Variants in TNIK observed in about 807,000 individuals in gnomAD.
TNIK encodes TRAF2 and NCK-interacting protein kinase.
TNIK carries 49 observed loss-of-function variants against 191.3 expected under a neutral mutation model. That is an observed-to-expected ratio of 0.26 (90% CI 0.20 to 0.32). The LOEUF (loss-of-function observed/expected upper bound fraction) is 0.32, where lower values mean the gene tolerates loss of function less well. Ranked by LOEUF, TNIK falls within the 10% of genes least tolerant of loss-of-function variation. The pLI is 1.00. For missense variants in TNIK, 1,155 were observed against 1,702.3 expected, an observed-to-expected ratio of 0.68 and a Z score of 5.66; for synonymous variants, 594 against 600.9, an observed-to-expected ratio of 0.99 and a Z score of 0.17.
intron 3 of TNIK, among the ~76,000 whole-genome samples, chr3:171,219,442 G>A (rs1427508955): frequency 6.6e-6 from 1 of 150,694 alleles, no homozygotes; most frequent in East Asian, 1.9e-4. Flanking sequence ...CCAGTGCCAG[G>A]TTCAACCTTA....
chr3:171,386,768 A>T (rs1460965139), intron 1 of TNIK, among the ~76,000 whole-genome samples: 1 of 152,202 alleles, frequency 6.6e-6, no homozygotes, highest in Non-Finnish European at 1.5e-5. Context: ...AGTATCATTC[A>T]CATCCAGTCA....
At chr3:171,399,515 G>A (rs1368143764) in intron 1 of TNIK, among the ~76,000 whole-genome samples, 1 of 152,100 alleles carries the variant, frequency 6.6e-6, no homozygotes, top group African/African-American at 2.4e-5. Context: ...ATTTATAAGA[G>A]TACAAATAGG....
chr3:171,419,943 A>T lies in TNIK; in HGVS notation c.57+40064T>A, dbSNP rs577674704. On this transcript the variant is annotated intron_variant, in intron 1 of 32. Coordinates refer to ENST00000436636, the MANE Select transcript of TNIK (RefSeq NM_015028.4). Reference sequence around the variant, plus strand: ...TCCAACAACAGAGTCAGTGCCACTTACCTATAAGCTTGCTGTTCTATGAAC... The same window carrying T: ...TCCAACAACAGAGTCAGTGCCACTTTCCTATAAGCTTGCTGTTCTATGAAC... Among the ~76,000 whole-genome samples, 24 of 152,280 alleles carry T rather than the reference A, an allele frequency of 1.6e-4. No homozygotes were observed. The East Asian group carries it at 2.9e-3, about 18-fold the overall frequency.
intron 1 of TNIK, among the ~76,000 whole-genome samples, chr3:171,371,716 A>G (rs1384372436): frequency 1.3e-5 from 2 of 152,154 alleles, no homozygotes; most frequent in Admixed American, 1.3e-4. Context: ...TGGTTAAACT[A>G]CTAGGCCATT....
At position 171,087,488 on chromosome 3, in the gene TNIK, GCTT is replaced by G. The variant is rs747795051; in HGVS notation, c.2737_2739del (p.Lys913del). On this transcript the variant is annotated inframe_deletion, in exon 24 of 33. Transcript: ENST00000436636. ...CCATTGCTGTCACTGTGGCCAGATC[GCTT>G]CTTCTCTCCAGACGTCTGAGGGAGC... 7.4e-6 allele frequency: 12 copies of G among 1,613,652 alleles called. No individual in the cohort carries two copies. In the Admixed American group the frequency reaches 8.3e-5, roughly 11 times the overall value.
chr3:171,312,142 G>GGCTAGACT (rs1754104896), intron 2 of TNIK, among the ~76,000 whole-genome samples: 6 of 90,202 alleles, frequency 6.7e-5, no homozygotes, highest in Non-Finnish European at 1.1e-4. Context: ...AAAAAAAAAA[G>GGCTAGACT]GGCTAGACTG....
intron 23 of TNIK, among the ~76,000 whole-genome samples, chr3:171,090,203 C>T (rs897703075): frequency 1.3e-5 from 2 of 152,082 alleles, no homozygotes; most frequent in African/African-American, 4.8e-5. Flanking sequence ...TGGAAGAAAG[C>T]AGAGATTAGG....
chr3:171,278,416 G>T (rs547059971), intron 2 of TNIK, among the ~76,000 whole-genome samples: 1 of 152,088 alleles, frequency 6.6e-6, no homozygotes, highest in Non-Finnish European at 1.5e-5. Context: ...TAAGTATTCA[G>T]CATTCTAGGC....
chr3:171,135,945 A>G (rs944050933), intron 15 of TNIK, among the ~76,000 whole-genome samples: 3 of 152,244 alleles, frequency 2.0e-5, no homozygotes, highest in African/African-American at 7.2e-5. Flanking sequence ...AATAGAGAGG[A>G]CAGACCAGTA....
chr3:171,317,443 T>A (rs577890102), intron 2 of TNIK, among the ~76,000 whole-genome samples: 18 of 152,130 alleles, frequency 1.2e-4, no homozygotes, highest in Admixed American at 1.0e-3. Context: ...TGGAGAGACA[T>A]GTACTATGGT....
intron 1 of TNIK, among the ~76,000 whole-genome samples, chr3:171,393,244 A>T (rs1426655429): frequency 1.3e-5 from 2 of 152,226 alleles, no homozygotes; most frequent in African/African-American, 2.4e-5. Context: ...CAGCCGCAGA[A>T]GCAAAATACA....
intron 15 of TNIK, among the ~76,000 whole-genome samples, chr3:171,137,446 C>A (rs180765493): frequency 6.6e-6 from 1 of 152,084 alleles, no homozygotes; most frequent in African/African-American, 2.4e-5. Context: ...TGAAAACCAG[C>A]GTGTTATGCA....
At chr3:171,262,618 G>C (rs947341678) in intron 2 of TNIK, among the ~76,000 whole-genome samples, 1 of 152,156 alleles carries the variant, frequency 6.6e-6, no homozygotes, top group African/African-American at 2.4e-5. Context: ...AAAGCTCTGT[G>C]GTTAAAGCAC....
intron 1 of TNIK, among the ~76,000 whole-genome samples, chr3:171,450,252 TA>T (rs578058704): frequency 1.2e-3 from 190 of 152,354 alleles, no homozygotes; most frequent in Non-Finnish European, 2.1e-3. Flanking sequence ...GCTACTTATC[TA>T]TATTGATTAA....
At position 171,059,298 on chromosome 3, in the gene TNIK, A is replaced by C. The variant is rs936617027; in HGVS notation, c.*4583T>G. ...AAGATTTTGATCTAGATTTAAAATA[A>C]CTCAAACATTACCCAGGGATTTTTG... is the stretch of plus-strand genomic sequence containing the variant. On this transcript the variant is annotated 3_prime_UTR_variant, in exon 33 of 33. Coordinates refer to ENST00000436636, the MANE Select transcript of TNIK (RefSeq NM_015028.4). Among the ~76,000 whole-genome samples, 2 of 151,996 alleles carry C rather than the reference A, an allele frequency of 1.3e-5. No homozygotes were observed. Among genetic ancestry groups the C allele is most frequent in the Non-Finnish European group, 2.9e-5 (2 of 68,020 alleles).
At chr3:171,251,468 CCA>C (rs1398102219) in intron 2 of TNIK, among the ~76,000 whole-genome samples, 1 of 152,160 alleles carries the variant, frequency 6.6e-6, no homozygotes, top group African/African-American at 2.4e-5. Flanking sequence ...AACCTTCCTG[CCA>C]CAGTCTTGGG....
intron 7 of TNIK, among the ~76,000 whole-genome samples, chr3:171,180,136 A>G (rs1736464457): frequency 6.6e-6 from 1 of 152,202 alleles, no homozygotes; most frequent in South Asian, 2.1e-4. Flanking sequence ...TTCTGGGGTA[A>G]GAAGAACTCA....
intron 1 of TNIK, among the ~76,000 whole-genome samples, chr3:171,415,999 A>AAAAAC (rs1723023800): frequency 7.2e-6 from 1 of 139,808 alleles, no homozygotes; most frequent in Non-Finnish European, 1.5e-5. Context: ...AAAAAAAAAG[A>AAAAAC]AAGAAAAAGA....
At chr3:171,067,878 C>T (rs577932147) in intron 30 of TNIK, among the ~76,000 whole-genome samples, 1 of 152,230 alleles carries the variant, frequency 6.6e-6, no homozygotes, top group South Asian at 2.1e-4. Flanking sequence ...TCCTTGTGTT[C>T]ACCCACATCC....
Sources: gnomAD v4.1 joint callset for allele counts (sites outside exome capture counted in the v4.1 genomes callset) on GRCh38, gnomAD v4.1.1 for gene constraint, MANE v1.5 for transcripts, NCBI Gene and HGNC (gene_info 2026-07-23, HGNC 2026-07-21) for gene names.